Variants in MAF observed in about 807,000 individuals in gnomAD.
The protein encoded by MAF is MAF bZIP transcription factor, also known as transcription factor Maf.
In MAF, 10 loss-of-function variants were observed where a neutral mutation model predicts 22.0. The ratio of observed to expected loss-of-function variants is 0.45; its 90% CI spans 0.28 to 0.77. The LOEUF (loss-of-function observed/expected upper bound fraction) is 0.77. Ranked by LOEUF, MAF falls within the 30% of genes least tolerant of loss-of-function variation. The pLI, the probability that MAF is intolerant of heterozygous loss-of-function variation, is 0.12. For missense variants in MAF, 544 were observed against 548.4 expected, an observed-to-expected ratio of 0.99 and a Z score of 0.08; for synonymous variants, 337 against 255.8, an observed-to-expected ratio of 1.32 and a Z score of -3.03.
At chr16:79,523,273 T>C in the MAF span, among the ~76,000 whole-genome samples, 4 of 152,208 alleles carry the variant, frequency 2.6e-5, no homozygotes, top group Non-Finnish European at 2.9e-5. Flanking sequence ...GGAGGGCATA[T>C]CCTTCTGTAA....
At chr16:79,455,951 G>C in the MAF span, among the ~76,000 whole-genome samples, 1 of 152,140 alleles carries the variant, frequency 6.6e-6, no homozygotes. Context: ...CCAGGAGACG[G>C]AGGTTGCAGT....
the MAF span, among the ~76,000 whole-genome samples, chr16:79,238,788 G>T: frequency 6.6e-6 from 1 of 151,846 alleles, no homozygotes; most frequent in Non-Finnish European, 1.5e-5. Context: ...ATTTTTATTT[G>T]CTAAATCTGG....
the MAF span, among the ~76,000 whole-genome samples, chr16:79,262,871 G>A: frequency 7.2e-5 from 11 of 152,142 alleles, no homozygotes; most frequent in African/African-American, 1.9e-4. Flanking sequence ...AGAAATAACC[G>A]TAGCATTTTT....
At chr16:79,578,765 T>A in the MAF span, among the ~76,000 whole-genome samples, 1 of 152,150 alleles carries the variant, frequency 6.6e-6, no homozygotes, top group Non-Finnish European at 1.5e-5. Context: ...TTTAAAAAAA[T>A]TAATTAAACA....
the MAF span, among the ~76,000 whole-genome samples, chr16:79,290,343 T>A: frequency 6.6e-6 from 1 of 152,202 alleles, no homozygotes; most frequent in African/African-American, 2.4e-5. Context: ...ATACGGGCTC[T>A]GCGGCAAATT....
At chr16:79,456,593 G>A in the MAF span, among the ~76,000 whole-genome samples, 1 of 152,142 alleles carries the variant, frequency 6.6e-6, no homozygotes, top group Non-Finnish European at 1.5e-5. Context: ...AGAAGGATGA[G>A]CTACTAAGCT....
At chr16:79,596,781 T>C in intron 1 of MAF, 1 of 1,046,952 alleles carries the variant, frequency 9.6e-7, no homozygotes, top group Non-Finnish European at 1.2e-6. Flanking sequence ...AATCCAGTTC[T>C]GCACCACAAT....
chr16:79,592,657 G>A (rs375328640), downstream of MAF, among the ~76,000 whole-genome samples: 17 of 152,236 alleles, frequency 1.1e-4, no homozygotes, highest in East Asian at 2.9e-3. Flanking sequence ...AAACTTCCAA[G>A]TTTCTCTTAT....
the MAF span, among the ~76,000 whole-genome samples, chr16:79,232,381 T>G: frequency 2.0e-5 from 3 of 152,126 alleles, no homozygotes; most frequent in Non-Finnish European, 4.4e-5. Flanking sequence ...AACATTTTCA[T>G]GTTATTGATA....
chr16:79,429,692 A>G, the MAF span, among the ~76,000 whole-genome samples: 1 of 152,148 alleles, frequency 6.6e-6, no homozygotes, highest in Non-Finnish European at 1.5e-5. Context: ...ACCAGTGAAC[A>G]GAGGCATTAG....
At chr16:79,488,169 G>A in the MAF span, among the ~76,000 whole-genome samples, 2 of 152,316 alleles carry the variant, frequency 1.3e-5, no homozygotes, top group Admixed American at 6.5e-5. Flanking sequence ...AGAAGAGCAC[G>A]CAGAGGGAGA....
At chr16:79,202,694 C>T in the MAF span, 3 of 152,148 alleles carry the variant, frequency 2.0e-5, no homozygotes, top group East Asian at 1.9e-4. Flanking sequence ...TGTTAACAAA[C>T]GAGTTCAAGT....
the MAF span, among the ~76,000 whole-genome samples, chr16:79,292,980 G>A: frequency 6.6e-6 from 1 of 152,140 alleles, no homozygotes; most frequent in East Asian, 1.9e-4. Context: ...CCACCCCTTT[G>A]CCAGAAAACT....
the MAF span, among the ~76,000 whole-genome samples, chr16:79,223,043 C>T: frequency 6.6e-6 from 1 of 152,182 alleles, no homozygotes; most frequent in Non-Finnish European, 1.5e-5. Context: ...CAGAACTCTC[C>T]ACCGCAAATC....
At chr16:79,309,146 AG>A in the MAF span, among the ~76,000 whole-genome samples, 1 of 152,168 alleles carries the variant, frequency 6.6e-6, no homozygotes, top group African/African-American at 2.4e-5. Context: ...CCTTGGATAC[AG>A]GGGTGCTCTT....
At chr16:79,486,561 A>G in the MAF span, among the ~76,000 whole-genome samples, 157 of 152,338 alleles carry the variant, frequency 1.0e-3, no homozygotes, top group Non-Finnish European at 1.8e-3. Flanking sequence ...ATTCTCCCGC[A>G]TAAGAAGGTT....
At chr16:79,468,279 C>T in the MAF span, among the ~76,000 whole-genome samples, 2 of 152,196 alleles carry the variant, frequency 1.3e-5, no homozygotes, top group East Asian at 3.9e-4. Flanking sequence ...GAAGTGCCTT[C>T]CCCTGTGTGA....
Position 79,600,732 on chromosome 16 carries a change from A to G in MAF, c.-830T>C. On this transcript the variant is annotated 5_prime_UTR_variant, in exon 1 of 2. Transcript: ENST00000326043. ...AAAAAGATTTTAAAGCCTCTGATCCAGCAAGAAGAGTTTAAAGCAATTGCT... is the reference window on the plus strand; with the variant it reads ...AAAAAGATTTTAAAGCCTCTGATCCGGCAAGAAGAGTTTAAAGCAATTGCT... 5.2e-6 allele frequency: 1 copy of G among 193,626 alleles called. No homozygotes were observed. The highest frequency in any genetic ancestry group is 1.2e-5 in the Non-Finnish European group (1 of 83,326). 12.0% of individuals were successfully genotyped at this position (193,626 alleles called of 1,614,324 possible).
At chr16:79,528,212 T>C in the MAF span, among the ~76,000 whole-genome samples, 1 of 152,186 alleles carries the variant, frequency 6.6e-6, no homozygotes, top group East Asian at 1.9e-4. Context: ...AAGAGCTTCT[T>C]CTGCCCTCTT....
Sources: gnomAD v4.1 joint callset for allele counts (sites outside exome capture counted in the v4.1 genomes callset) on GRCh38, gnomAD v4.1.1 for gene constraint, MANE v1.5 for transcripts, NCBI Gene and HGNC (gene_info 2026-07-23, HGNC 2026-07-21) for gene names.